The following GCFC2 variants were observed in gnomAD, a reference collection of about 807,000 sequenced individuals.
The protein encoded by GCFC2 is GC-rich sequence DNA-binding factor 2.
GCFC2 carries 102 observed loss-of-function variants against 99.4 expected under a neutral mutation model. That is an observed-to-expected ratio of 1.03 (90% CI 0.87 to 1.21). GCFC2 has a LOEUF of 1.21. Among genes scored for constraint, GCFC2 ranks in the 50% most tolerant of loss-of-function variants. The pLI is 0.00. For synonymous variants in GCFC2, 338 were observed against 316.8 expected, an observed-to-expected ratio of 1.07 and a Z score of -0.71; for missense variants, 973 against 920.9, an observed-to-expected ratio of 1.06 and a Z score of -0.73.
chr2:75,666,110 A>G, intron 15 of GCFC2, 57 bp from the exon 16 acceptor site: 1 of 1,384,738 alleles, frequency 7.2e-7, no homozygotes, highest in Admixed American at 2.0e-5. Flanking sequence ...AAATCTTGCT[A>G]ATATAATCTC....
intron 6 of GCFC2, 25 bp downstream of exon 6, chr2:75,694,216 G>A: frequency 1.6e-6 from 1 of 608,578 alleles, no homozygotes; most frequent in Non-Finnish European, 2.8e-6. Context: ...AAAAGGAAAT[G>A]ATATAAATAA....
rs759071253 is a variant in GCFC2, at chr2:75,702,148, T to G, written c.619+51A>C. The G allele has an allele frequency of 2.6e-6, 4 of 1,559,672 alleles. No individual in the cohort carries two copies. In the South Asian group the frequency reaches 4.5e-5, roughly 18 times the overall value. ...CATTTTTTATGGAGATTCTCTCATA[T>G]TATATTCTAATAAAAAATATCCTAA... On this transcript the variant is annotated intron_variant, in intron 3 of 16. Coordinates refer to ENST00000321027, the MANE Select transcript of GCFC2 (RefSeq NM_003203.5).
chr2:75,701,034 C>T (rs1185419396), intron 4 of GCFC2, among the ~76,000 whole-genome samples, 156 bp downstream of exon 4: 7 of 152,176 alleles, frequency 4.6e-5, no homozygotes, highest in Non-Finnish European at 7.4e-5. Flanking sequence ...CCCCCAGGGC[C>T]TTTGGAAGAA....
intron 11 of GCFC2, among the ~76,000 whole-genome samples, chr2:75,683,779 A>AAAAAAAAAAAAAAAAAAAAAG (rs1679689152): frequency 7.0e-6 from 1 of 142,528 alleles, no homozygotes; most frequent in Non-Finnish European, 1.6e-5. Flanking sequence ...AGCAAAAAAA[A>AAAAAAAAAAAAAAAAAAAAAG]AAAAAAAAAA....
At chr2:75,710,400 T>C (rs1681092867) in intron 1 of GCFC2, 191 bp downstream of exon 1, 1 of 1,322,240 alleles carries the variant, frequency 7.6e-7, no homozygotes, top group Non-Finnish European at 9.7e-7. Flanking sequence ...AAAAGGCAGA[T>C]GCAGATAGCG....
At chr2:75,710,928 G>C (rs1681152993), upstream of GCFC2, 1 of 1,391,100 alleles carries the variant, frequency 7.2e-7, no homozygotes, top group South Asian at 1.6e-5. Context: ...CCGCCCCCTA[G>C]GGCGCGCTCC....
Position 75,675,978 on chromosome 2 carries a change from A to G in GCFC2, c.1813-2458T>C, listed in dbSNP as rs143650650. ...TTAAAGAGGCACTTGTGTGATGCCA[A>G]TGGTTTTTATGCTGTTCTCTATATC... On this transcript the variant is annotated intron_variant, in intron 12 of 16. Coordinates refer to ENST00000321027, the MANE Select transcript of GCFC2 (RefSeq NM_003203.5). 2.4e-3 allele frequency among the ~76,000 whole-genome samples: 368 copies of G among 152,216 alleles called. 2 individuals are homozygous for G. The highest frequency in any genetic ancestry group is 7.5e-3 in the African/African-American group (313 of 41,534).
intron 3 of GCFC2, chr2:75,701,866 T>A: frequency 3.0e-6 from 3 of 1,015,304 alleles, no homozygotes; most frequent in Non-Finnish European, 3.6e-6. Context: ...TCTCTATAGA[T>A]GCTTCCATGT....
At chr2:75,686,316 G>C (rs909173838) in intron 11 of GCFC2, among the ~76,000 whole-genome samples, 3 of 152,024 alleles carry the variant, frequency 2.0e-5, no homozygotes, top group African/African-American at 4.8e-5. Context: ...GCCAAGGCTG[G>C]TCTGGAACTC....
At chr2:75,665,228 T>C (rs140537194) in intron 16 of GCFC2, among the ~76,000 whole-genome samples, 157 of 152,220 alleles carry the variant, frequency 1.0e-3, no homozygotes, top group African/African-American at 3.5e-3. Flanking sequence ...CATAGCTCAC[T>C]GCAGCCTCAA....
intron 11 of GCFC2, 105 bp downstream of exon 11, chr2:75,687,722 G>A (rs750638208): frequency 2.3e-6 from 2 of 887,368 alleles, no homozygotes; most frequent in East Asian, 2.5e-5. Flanking sequence ...ACATTTCCTT[G>A]AGATTAAAAA....
At chr2:75,700,472 T>A (rs1003515485) in intron 4 of GCFC2, among the ~76,000 whole-genome samples, 2 of 152,072 alleles carry the variant, frequency 1.3e-5, no homozygotes, top group African/African-American at 4.8e-5. Flanking sequence ...GTAGTCGAAG[T>A]AGATATACCA....
In GCFC2 at chr2:75,710,781, C is replaced by CA. The variant is rs1459070076; in HGVS notation, c.74_75insT (p.Pro26AlafsTer3). On this transcript the variant is annotated frameshift_variant, in exon 1 of 17. Transcript: ENST00000321027. LOFTEE classifies it high-confidence loss of function. The stretch of plus-strand genomic sequence containing the variant: ...CCCTCGGCGCCCCAGGCTCAGCAGG[C>CA]GACTCCTCGGCGCCATCGCTGTCGC... The CA allele has an allele frequency of 6.4e-7, 1 of 1,574,628 alleles. No homozygotes were observed. Among genetic ancestry groups the CA allele is most frequent in the Non-Finnish European group, 8.6e-7 (1 of 1,165,586 alleles).
intron 9 of GCFC2, 41 bp from the exon 10 acceptor site, chr2:75,689,266 A>G (rs955530139): frequency 2.7e-6 from 3 of 1,094,984 alleles, no homozygotes; most frequent in South Asian, 2.7e-5. Context: ...TTAAGTTGTG[A>G]ACTTTAAGTA....
At chr2:75,673,613 AC>A in intron 12 of GCFC2, 93 bp from the exon 13 acceptor site, 1 of 660,814 alleles carries the variant, frequency 1.5e-6, no homozygotes, top group South Asian at 1.7e-5. Context: ...AAATTTATCC[AC>A]ACTCACATAA....
At position 75,664,684 on chromosome 2, in the gene GCFC2, T is replaced by G. The variant is rs745902749; in HGVS notation, c.2328A>C (p.Ser776=). Residue 776 remains serine (S), a synonymous_variant, in exon 17 of 17, where the codon TCA becomes TCC. Coordinates refer to ENST00000321027, the MANE Select transcript of GCFC2 (RefSeq NM_003203.5). ...AGTTTATTCAATCTTCTTTAATTAG[T>G]GATTTAAGATGGTCTAGGTGATGCT... ...IGEHHLDHLK[S]LIKED is the part of the protein sequence containing the mutation. The G allele has an allele frequency of 7.0e-7, 1 of 1,419,598 alleles. No homozygotes were observed. Among genetic ancestry groups the G allele is most frequent in the Non-Finnish European group, 9.9e-7 (1 of 1,010,170 alleles). The allele number at this position is 1,419,598 out of a possible 1,614,324, so 87.9% of individuals were successfully genotyped here. A position where few individuals can be genotyped will look rare whatever the true frequency, so the allele number is the denominator to read the frequency against.
At chr2:75,665,896 T>C (rs373562292) in intron 16 of GCFC2, 33 bp downstream of exon 16, 8 of 1,433,732 alleles carry the variant, frequency 5.6e-6, no homozygotes, top group Non-Finnish European at 6.7e-6. Flanking sequence ...CCATGAACTC[T>C]CTTTATAGAA....
At chr2:75,695,864 T>C (rs934213225) in intron 5 of GCFC2, among the ~76,000 whole-genome samples, 1 of 152,168 alleles carries the variant, frequency 6.6e-6, no homozygotes, top group African/African-American at 2.4e-5. Context: ...CTGGGCAGGA[T>C]GAAGCAGGGC....
intron 11 of GCFC2, among the ~76,000 whole-genome samples, chr2:75,685,473 T>C: frequency 6.6e-6 from 1 of 152,142 alleles, no homozygotes; most frequent in East Asian, 1.9e-4. Flanking sequence ...TCATCAACAA[T>C]TCCAACAGTT....
Sources: allele counts gnomAD v4.1 joint callset (sites outside exome capture counted in the v4.1 genomes callset), GRCh38; gene constraint gnomAD v4.1.1; transcripts MANE v1.5; gene names NCBI Gene and HGNC (gene_info 2026-07-23, HGNC 2026-07-21).